The following RELN variants were observed in gnomAD, a reference collection of about 807,000 sequenced individuals.
RELN encodes reelin.
Under a neutral mutation model 427.6 loss-of-function variants are expected in RELN, and 108 were observed. The observed-to-expected ratio is 0.25, with a 90% confidence interval of 0.22 to 0.30. The LOEUF (loss-of-function observed/expected upper bound fraction) is 0.30, where lower values mean the gene tolerates loss of function less well. Ranked by LOEUF, RELN falls within the 10% of genes least tolerant of loss-of-function variation. The pLI is 1.00. For synonymous variants in RELN, 1,524 were observed against 1,513.4 expected (o/e 1.01, Z -0.16); for missense variants, 3,715 against 4,302.8 (o/e 0.86, Z 3.82).
intron 2 of RELN, among the ~76,000 whole-genome samples, chr7:103,887,509 T>C (rs1794750656): frequency 6.6e-6 from 1 of 152,142 alleles, no homozygotes; most frequent in Admixed American, 6.5e-5. Flanking sequence ...ACATCCAAAG[T>C]GCAAACAGAG....
chr7:103,820,547 C>T lies in RELN; in HGVS notation c.473+12990G>A, dbSNP rs1032432689. Reference sequence around the variant, plus strand: ...CTTTTAAAAAGAAAAGAAAAACACTCATTCTTAAAAAAAAAAAACTATTAA... The same window carrying T: ...CTTTTAAAAAGAAAAGAAAAACACTTATTCTTAAAAAAAAAAAACTATTAA... On this transcript the variant is annotated intron_variant, in intron 3 of 64. Coordinates refer to ENST00000428762, the MANE Select transcript of RELN (RefSeq NM_005045.4). Among the ~76,000 whole-genome samples the T allele has an allele frequency of 1.6e-3, 192 of 117,256 alleles. 1 individual carries two copies. The highest frequency in any genetic ancestry group is 5.5e-3 in the African/African-American group (171 of 30,882). 76.9% of individuals were successfully genotyped at this position (117,256 alleles called of 152,430 possible). A position where few individuals can be genotyped will look rare whatever the true frequency, so the allele number is the denominator to read the frequency against.
At chr7:103,827,291 T>A (rs1241847214) in intron 3 of RELN, among the ~76,000 whole-genome samples, 1 of 151,858 alleles carries the variant, frequency 6.6e-6, no homozygotes, top group African/African-American at 2.4e-5. Flanking sequence ...AGTCCCCTAA[T>A]ATAACCTGTG....
Position 103,603,433 on chromosome 7 carries a change from T to C in RELN, c.3204A>G (p.Thr1068=). Residue 1068 remains threonine (T), a synonymous_variant, in exon 24 of 65, where the codon ACA becomes ACG. Coordinates refer to ENST00000428762, the MANE Select transcript of RELN (RefSeq NM_005045.4). This position sits in a 1 kb window ranked among gnomAD's most constrained non-coding sequence, Gnocchi z 4.3. ...TCTGGTTCTCAAAATCTGACATAAT[T>C]GTGGACGGAAGGGCAGCTTCTGGGT... The part of the protein sequence containing the change: ...ECHPEAALPS[T]IMSDFENQNG... 6.2e-7 allele frequency: 1 copy of C among 1,613,906 alleles called. No individual in the cohort carries two copies.
intron 56 of RELN, 64 bp downstream of exon 56, chr7:103,496,462 T>G: frequency 6.2e-7 from 1 of 1,606,270 alleles, no homozygotes; most frequent in Non-Finnish European, 8.5e-7. Context: ...TGCTAATCTA[T>G]CTGAAGACAT....
chr7:103,684,457 G>A (rs929659895), intron 10 of RELN, among the ~76,000 whole-genome samples: 1 of 152,108 alleles, frequency 6.6e-6, no homozygotes, highest in African/African-American at 2.4e-5. Flanking sequence ...GTTAGGCATT[G>A]CTTGAGCTTT....
intron 6 of RELN, among the ~76,000 whole-genome samples, chr7:103,734,957 G>A (rs1790453994): frequency 6.6e-6 from 1 of 152,070 alleles, no homozygotes; most frequent in South Asian, 2.1e-4. Flanking sequence ...AACATTAACA[G>A]TGAATTCACT....
chr7:103,491,786 AC>A (rs1442631052), intron 58 of RELN, among the ~76,000 whole-genome samples, 166 bp downstream of exon 58: 1 of 149,124 alleles, frequency 6.7e-6, no homozygotes, highest in African/African-American at 2.5e-5. Flanking sequence ...CCGAGATCCC[AC>A]CATTGCACTC....
chr7:103,886,873 C>A (rs533188756), intron 2 of RELN, among the ~76,000 whole-genome samples: 1 of 152,144 alleles, frequency 6.6e-6, no homozygotes, highest in South Asian at 2.1e-4. Context: ...TTGCTAGCAA[C>A]CTAGTAAAGA....
At chr7:103,606,375 G>A (rs1439913192) in intron 22 of RELN, among the ~76,000 whole-genome samples, 1 of 152,152 alleles carries the variant, frequency 6.6e-6, no homozygotes, top group Non-Finnish European at 1.5e-5. Context: ...AATGAAGAAT[G>A]TACTAGTAGT....
intron 28 of RELN, among the ~76,000 whole-genome samples, chr7:103,582,322 C>A (rs1275685545): frequency 1.3e-5 from 2 of 152,290 alleles, no homozygotes; most frequent in East Asian, 3.9e-4. Context: ...GTAGCTGGGT[C>A]TGTATCCTAA....
chr7:103,942,002 T>C (rs1445982237), intron 1 of RELN, among the ~76,000 whole-genome samples: 15 of 151,482 alleles, frequency 9.9e-5, no homozygotes, highest in Admixed American at 8.6e-4. Flanking sequence ...AGTATTAGCA[T>C]AGTTTTAAGA....
chr7:103,677,339 A>G (rs1340752811), intron 11 of RELN, among the ~76,000 whole-genome samples: 1 of 151,146 alleles, frequency 6.6e-6, no homozygotes, highest in Admixed American at 6.6e-5. Flanking sequence ...GCAGCAAACC[A>G]CCATGGCACG....
rs564695860 is a variant in RELN at position 103,870,326 on chromosome 7, T to C, written c.338-36654A>G. The stretch of plus-strand genomic sequence containing the variant: ...CATATACATATTATTAATGATACAA[T>C]GTAGAGAATCTGGTTTCGGTTTTTT... On this transcript the variant is annotated intron_variant, in intron 2 of 64. Coordinates refer to ENST00000428762, the MANE Select transcript of RELN (RefSeq NM_005045.4). Among the ~76,000 whole-genome samples, 5 of 152,220 alleles carry C rather than the reference T, an allele frequency of 3.3e-5. No individual in the cohort carries two copies. The South Asian group carries it at 8.3e-4, about 25-fold the overall frequency.
intron 9 of RELN, among the ~76,000 whole-genome samples, chr7:103,699,047 T>C (rs530298497): frequency 3.3e-5 from 5 of 152,216 alleles, no homozygotes; most frequent in Non-Finnish European, 5.9e-5. Context: ...TGATTTTTTA[T>C]ATTACCTCTA....
chr7:103,601,764 G>C (rs182332279), intron 24 of RELN, among the ~76,000 whole-genome samples: 6 of 152,286 alleles, frequency 3.9e-5, no homozygotes, highest in Admixed American at 3.9e-4. Flanking sequence ...AGGGAGGAGA[G>C]AGAGGTGGTT....
intron 22 of RELN, among the ~76,000 whole-genome samples, chr7:103,608,029 T>C (rs1478297327): frequency 6.6e-6 from 1 of 152,226 alleles, no homozygotes; most frequent in Admixed American, 6.5e-5. Flanking sequence ...TTAACAAATA[T>C]GTGATAATGC....
intron 2 of RELN, among the ~76,000 whole-genome samples, chr7:103,876,933 C>CT (rs1794493695): frequency 6.6e-6 from 1 of 151,990 alleles, no homozygotes; most frequent in Admixed American, 6.6e-5. Flanking sequence ...CTGCTAAGCC[C>CT]TATGGACACT....
intron 16 of RELN, among the ~76,000 whole-genome samples, chr7:103,642,548 T>G (rs1165271263): frequency 6.6e-6 from 1 of 152,042 alleles, no homozygotes; most frequent in African/African-American, 2.4e-5. Context: ...ATTCCATATA[T>G]CTTTACCCTT....
chr7:103,564,782 C>T (rs534700893), intron 34 of RELN, among the ~76,000 whole-genome samples: 29 of 152,170 alleles, frequency 1.9e-4, no homozygotes, highest in African/African-American at 4.8e-4. Context: ...AATGCCTACA[C>T]CACAAAAGTG....
Sources: allele counts gnomAD v4.1 joint callset (sites outside exome capture counted in the v4.1 genomes callset), GRCh38; gene constraint gnomAD v4.1.1; non-coding constraint Gnocchi (gnomAD v3.1); transcripts MANE v1.5; gene names NCBI Gene and HGNC (gene_info 2026-07-23, HGNC 2026-07-21).